The following ELAPOR2 variants were observed in gnomAD, a reference collection of about 807,000 sequenced individuals.
ELAPOR2 encodes the protein endosome-lysosome associated apoptosis and autophagy regulator family member 2, also known as endosome/lysosome-associated apoptosis and autophagy regulator family member 2.
In ELAPOR2, 89 loss-of-function variants were observed where a neutral mutation model predicts 120.7. That is an observed-to-expected ratio of 0.74 (90% CI 0.62 to 0.88). The LOEUF (loss-of-function observed/expected upper bound fraction) is 0.88. ELAPOR2 is among the 40% of genes least tolerant of loss of function. The probability of loss-of-function intolerance (pLI) is 0.00; values close to 1 mark genes in which losing one functional copy is unlikely to be tolerated. For synonymous variants in ELAPOR2, 444 were observed against 444.9 expected, an observed-to-expected ratio of 1.00 and a Z score of 0.03; for missense variants, 1,134 against 1,251.6, an observed-to-expected ratio of 0.91 and a Z score of 1.42.
intron 2 of ELAPOR2, among the ~76,000 whole-genome samples, chr7:86,962,069 G>T (rs1562945577): frequency 6.6e-6 from 1 of 151,932 alleles, no homozygotes; most frequent in Non-Finnish European, 1.5e-5. Flanking sequence ...TATACCCCAG[G>T]GTTCTAGAAC....
chr7:87,042,869 C>T (rs1274701597), intron 1 of ELAPOR2, among the ~76,000 whole-genome samples: 4 of 151,986 alleles, frequency 2.6e-5, no homozygotes, highest in Non-Finnish European at 4.4e-5. Flanking sequence ...ACTAGAAAGA[C>T]TAATAAAGAC....
chr7:87,026,115 C>G (rs1379222735), intron 1 of ELAPOR2, among the ~76,000 whole-genome samples: 1 of 151,984 alleles, frequency 6.6e-6, no homozygotes, highest in Non-Finnish European at 1.5e-5. Flanking sequence ...GAAAAAGATG[C>G]CTTTCCAGAA....
At chr7:87,041,081 T>C (rs1279048341) in intron 1 of ELAPOR2, among the ~76,000 whole-genome samples, 1 of 151,982 alleles carries the variant, frequency 6.6e-6, no homozygotes, top group Non-Finnish European at 1.5e-5. Flanking sequence ...TAAAAAGAAA[T>C]GAGCAAAGCC....
intron 1 of ELAPOR2, among the ~76,000 whole-genome samples, chr7:87,046,798 C>A (rs1295931348): frequency 6.6e-6 from 1 of 152,212 alleles, no homozygotes; most frequent in Non-Finnish European, 1.5e-5. Flanking sequence ...CCATGTGGAG[C>A]TGTGAGTCAA....
At chr7:87,055,611 G>T (rs35595157) in intron 1 of ELAPOR2, among the ~76,000 whole-genome samples, 18,872 of 151,926 alleles carry the variant, frequency 0.12, 1,322 homozygotes, top group East Asian at 0.31. Flanking sequence ...TTGTCTGCTT[G>T]GCAAATTCCT....
intron 18 of ELAPOR2, among the ~76,000 whole-genome samples, chr7:86,901,947 T>G (rs756624747): frequency 8.5e-5 from 13 of 152,212 alleles, no homozygotes; most frequent in East Asian, 1.9e-4. Context: ...GATTACAAAT[T>G]GTTTGTGAAT....
At chr7:86,922,914 C>T (rs1789892777) in intron 10 of ELAPOR2, among the ~76,000 whole-genome samples, 1 of 151,814 alleles carries the variant, frequency 6.6e-6, no homozygotes, top group Admixed American at 6.6e-5. Flanking sequence ...ATTTTGAAAG[C>T]AATGAGTGTC....
intron 3 of ELAPOR2, among the ~76,000 whole-genome samples, chr7:86,947,081 G>A (rs1791041665): frequency 6.6e-6 from 1 of 152,124 alleles, no homozygotes; most frequent in African/African-American, 2.4e-5. Context: ...GTTCCTGAGA[G>A]GCTACTCTTG....
intron 1 of ELAPOR2, among the ~76,000 whole-genome samples, chr7:87,022,540 T>A (rs1321117352): frequency 6.6e-6 from 1 of 151,564 alleles, no homozygotes; most frequent in East Asian, 1.9e-4. Context: ...CCAATAAACA[T>A]GTGTGCATGT....
intron 1 of ELAPOR2, among the ~76,000 whole-genome samples, chr7:86,979,781 A>T (rs1009286840): frequency 7.9e-5 from 12 of 152,200 alleles, no homozygotes; most frequent in Non-Finnish European, 1.3e-4. Context: ...CATGTCACCC[A>T]ATCTCACAAA....
chr7:86,959,268 G>A (rs1027734129), intron 2 of ELAPOR2, among the ~76,000 whole-genome samples: 5 of 152,078 alleles, frequency 3.3e-5, no homozygotes, highest in African/African-American at 1.2e-4. Flanking sequence ...ATCTGCAAAC[G>A]GAAATAATTT....
intron 1 of ELAPOR2, among the ~76,000 whole-genome samples, chr7:86,980,956 G>C (rs922742723): frequency 6.6e-6 from 1 of 152,152 alleles, no homozygotes; most frequent in South Asian, 2.1e-4. Flanking sequence ...GGCCTGGAGA[G>C]GCTGACCTTT....
At chr7:87,023,957 G>C (rs554817872) in intron 1 of ELAPOR2, among the ~76,000 whole-genome samples, 73 of 152,302 alleles carry the variant, frequency 4.8e-4, no homozygotes, top group Non-Finnish European at 3.1e-4. Flanking sequence ...AGCTTAAGGA[G>C]ATTTTGGGCT....
At chr7:87,024,410 A>C (rs969570627) in intron 1 of ELAPOR2, among the ~76,000 whole-genome samples, 2 of 152,184 alleles carry the variant, frequency 1.3e-5, no homozygotes, top group African/African-American at 2.4e-5. Flanking sequence ...CCCAGGGATG[A>C]AGCCCACTTG....
At chr7:86,907,181 A>C (rs902300305) in intron 18 of ELAPOR2, among the ~76,000 whole-genome samples, 1 of 152,090 alleles carries the variant, frequency 6.6e-6, no homozygotes, top group Non-Finnish European at 1.5e-5. Flanking sequence ...GCCACCATTA[A>C]TCAATAAACT....
intron 1 of ELAPOR2, among the ~76,000 whole-genome samples, chr7:86,992,359 A>G (rs1289763497): frequency 6.6e-6 from 1 of 152,192 alleles, no homozygotes; most frequent in East Asian, 1.9e-4. Flanking sequence ...TAAGCCTGGG[A>G]GTTTGAGGCT....
chr7:87,000,342 G>A (rs530418527), intron 1 of ELAPOR2, among the ~76,000 whole-genome samples: 1 of 152,066 alleles, frequency 6.6e-6, no homozygotes, highest in African/African-American at 2.4e-5. Context: ...TTTCCTCTGG[G>A]TGGTTTTCTA....
intron 6 of ELAPOR2, among the ~76,000 whole-genome samples, chr7:86,939,646 A>T (rs1021083473): frequency 1.3e-5 from 2 of 152,116 alleles, no homozygotes; most frequent in African/African-American, 4.8e-5. Flanking sequence ...TTATGGATAT[A>T]GCAGTGACTA....
At position 86,929,246 on chromosome 7, in the gene ELAPOR2, G is replaced by A. The variant is rs77549643; in HGVS notation, c.1090-2330C>T. On this transcript the variant is annotated intron_variant, in intron 8 of 21. Transcript: ENST00000450689. The stretch of plus-strand genomic sequence containing the variant: ...TACAATTTAGGCAAATTTTGAGACT[G>A]GCTTTGTCCATGGTTGTCTGATTTA... Among the ~76,000 whole-genome samples, 639 of 152,038 alleles carry A rather than the reference G, an allele frequency of 4.2e-3. 6 individuals are homozygous for A. The Middle Eastern group carries it at 0.054, about 13-fold the overall frequency.
Sources: allele counts gnomAD v4.1 joint callset (sites outside exome capture counted in the v4.1 genomes callset), GRCh38; gene constraint gnomAD v4.1.1; transcripts MANE v1.5; gene names NCBI Gene and HGNC (gene_info 2026-07-23, HGNC 2026-07-21).